Variants in SMAD7 observed in about 807,000 individuals in gnomAD.
SMAD7 encodes SMAD family member 7, also known as MAD (mothers against decapentaplegic, Drosophila) homolog 7.
SMAD7 carries 8 observed loss-of-function variants against 38.7 expected under a neutral mutation model. The ratio of observed to expected loss-of-function variants is 0.21; its 90% confidence interval spans 0.12 to 0.37. The LOEUF (loss-of-function observed/expected upper bound fraction) is 0.37. SMAD7 is among the 10% of genes least tolerant of loss of function. The pLI is 1.00. For missense variants in SMAD7, 477 were observed against 577.9 expected (o/e 0.83, Z 1.79); for synonymous variants, 327 against 265.1 (o/e 1.23, Z -2.27).
intron 1 of SMAD7, among the ~76,000 whole-genome samples, chr18:48,948,990 A>C (rs2070230045): frequency 6.6e-6 from 1 of 152,238 alleles, no homozygotes; most frequent in Non-Finnish European, 1.5e-5. Context: ...ACAGAGACGT[A>C]GAGTAAAGGA....
intron 3 of SMAD7, among the ~76,000 whole-genome samples, chr18:48,925,785 C>T (rs185093186): frequency 2.5e-3 from 380 of 151,766 alleles, no homozygotes; most frequent in African/African-American, 7.7e-3. Flanking sequence ...CTCGCTCTGT[C>T]GCCCAGGCTG....
At chr18:48,933,121 C>T (rs994467165) in intron 3 of SMAD7, among the ~76,000 whole-genome samples, 9 of 152,142 alleles carry the variant, frequency 5.9e-5, no homozygotes, top group Non-Finnish European at 7.4e-5. Context: ...AACCAAAACC[C>T]GGGAGACCTA....
At position 48,925,441 on chromosome 18, in the gene SMAD7, C is replaced by G. The variant is rs560401461; in HGVS notation, c.743-3531G>C. Among the ~76,000 whole-genome samples the G allele has an allele frequency of 2.4e-3, 367 of 150,924 alleles. 6 individuals are homozygous for G. Among genetic ancestry groups the G allele is most frequent in the African/African-American group, 8.6e-3 (356 of 41,234 alleles). ...ATTCCTTTAAGGTGTTGCCCCCCCC[C>G]AACCTTCCCCATTTCCCTTAAAGCA... On this transcript the variant is annotated intron_variant, in intron 3 of 3. Coordinates refer to ENST00000262158, the MANE Select transcript of SMAD7 (RefSeq NM_005904.4).
chr18:48,948,521 G>T, intron 1 of SMAD7, 84 bp from the exon 2 acceptor site: 1 of 983,568 alleles, frequency 1.0e-6, no homozygotes. Context: ...CATTCTTTTA[G>T]CCCAACTGTT....
At chr18:48,923,959 C>G (rs2069895288) in intron 3 of SMAD7, among the ~76,000 whole-genome samples, 1 of 152,156 alleles carries the variant, frequency 6.6e-6, no homozygotes, top group African/African-American at 2.4e-5. Flanking sequence ...TGAGCGCTGG[C>G]AATCTTTGAA....
rs570216096 is a variant in SMAD7 at position 48,921,978 on chromosome 18, C to T, written c.743-68G>A. 31 of 1,214,980 alleles carry T rather than the reference C, an allele frequency of 2.6e-5. No homozygotes were observed. In the East Asian group the frequency reaches 2.8e-4, roughly 11 times the overall value. The allele number at this position is 1,214,980 out of a possible 1,614,324, so 75.3% of individuals were successfully genotyped here. A position where few individuals can be genotyped will look rare whatever the true frequency, so the allele number is the denominator to read the frequency against. Reference sequence around the variant, plus strand: ...TGGTGACTCCTAGAATGAAGACACCCGCCCCCCCACTGCACCCAGTCACCA... The same window carrying T: ...TGGTGACTCCTAGAATGAAGACACCTGCCCCCCCACTGCACCCAGTCACCA... On this transcript the variant is annotated intron_variant, in intron 3 of 3. Transcript: ENST00000262158. The surrounding 1 kb of genome is among the most constrained non-coding windows in gnomAD (Gnocchi z 6.4).
chr18:48,943,468 A>G (rs1224506407), intron 2 of SMAD7, among the ~76,000 whole-genome samples: 1 of 152,226 alleles, frequency 6.6e-6, no homozygotes, highest in Non-Finnish European at 1.5e-5. Context: ...ACCGCCCTCC[A>G]AGCAATTAAA....
intron 3 of SMAD7, among the ~76,000 whole-genome samples, chr18:48,937,112 A>C (rs985644520): frequency 4.6e-5 from 7 of 152,134 alleles, no homozygotes; most frequent in Admixed American, 4.6e-4. Flanking sequence ...AACATTAAAA[A>C]ATTTTAAAAA....
chr18:48,928,120 C>CT (rs1434935572), intron 3 of SMAD7, among the ~76,000 whole-genome samples: 1 of 152,210 alleles, frequency 6.6e-6, no homozygotes, highest in Non-Finnish European at 1.5e-5. Flanking sequence ...GGTGATACGG[C>CT]TTTTTTGCCA....
Position 48,921,363 on chromosome 18 carries a change from C to T in SMAD7, c.*9G>A, listed in dbSNP as rs374817806. On this transcript the variant is annotated 3_prime_UTR_variant, in exon 4 of 4. Transcript: ENST00000262158. The surrounding 1 kb of genome is among the most constrained non-coding windows in gnomAD (Gnocchi z 6.4). ...TGCTCAGCTCACGCTCTGTCCCCTC[C>T]GCACGCGGCTACCGGCTGTTGAAGA... The T allele has an allele frequency of 6.9e-5, 110 of 1,605,362 alleles. No homozygotes were observed. Among genetic ancestry groups the T allele is most frequent in the African/African-American group, 3.3e-4 (25 of 74,926 alleles).
chr18:48,944,002 C>G (rs1046629577), intron 2 of SMAD7, among the ~76,000 whole-genome samples: 1 of 152,092 alleles, frequency 6.6e-6, no homozygotes. Context: ...GGAAAGAAGA[C>G]TGTGTGTGTA....
At chr18:48,930,480 C>T (rs2069985214) in intron 3 of SMAD7, among the ~76,000 whole-genome samples, 1 of 152,210 alleles carries the variant, frequency 6.6e-6, no homozygotes, top group Non-Finnish European at 1.5e-5. Context: ...ACATACACGG[C>T]CAGCTGCTCT....
chr18:48,930,717 GC>G (rs33922711), intron 3 of SMAD7, among the ~76,000 whole-genome samples: 70,611 of 151,996 alleles, frequency 0.46, 18,099 homozygotes, highest in East Asian at 0.73. Context: ...ATCGGTGTGT[GC>G]CGACACATGA....
Position 48,949,863 on chromosome 18 carries a change from G to T in SMAD7, c.562C>A (p.Pro188Thr), listed in dbSNP as rs1440564354. 6.2e-7 allele frequency: 1 copy of T among 1,612,570 alleles called. No homozygotes were observed. Among genetic ancestry groups the T allele is most frequent in the Non-Finnish European group, 8.5e-7 (1 of 1,179,352 alleles). ...CCCESYGKIN[P>T]ELVCCNPHHL... ...TGGGGGTTGCAGCACACCAGCTCGG[G>T]GTTGATCTTCCCGTAAGATTCACAG... Residue 188 changes from proline (P) to threonine (T), a missense_variant, in exon 1 of 4, where the codon CCC becomes ACC. Pro to Thr is a conservative substitution (Grantham distance 38). Coordinates refer to ENST00000262158, the MANE Select transcript of SMAD7 (RefSeq NM_005904.4).
At chr18:48,930,804 T>C (rs4939828) in intron 3 of SMAD7, among the ~76,000 whole-genome samples, 39,622 of 152,106 alleles carry the variant, frequency 0.26, 5,380 homozygotes, top group Middle Eastern at 0.32. Flanking sequence ...AATTTAGCAA[T>C]TCCACCTCTG....
intron 3 of SMAD7, among the ~76,000 whole-genome samples, chr18:48,933,170 C>T (rs1417257889): frequency 6.6e-6 from 1 of 152,204 alleles, no homozygotes; most frequent in Non-Finnish European, 1.5e-5. Flanking sequence ...TCTCAATTCT[C>T]AACAGACCAC....
At chr18:48,931,736 C>T (rs1241648875) in intron 3 of SMAD7, among the ~76,000 whole-genome samples, 2 of 152,238 alleles carry the variant, frequency 1.3e-5, no homozygotes, top group African/African-American at 2.4e-5. Flanking sequence ...AAAACTGAGG[C>T]CCAGAACACA....
chr18:48,926,039 C>T lies in SMAD7; in HGVS notation c.743-4129G>A, dbSNP rs139081153. Among the ~76,000 whole-genome samples, 853 of 152,344 alleles carry T rather than the reference C, an allele frequency of 5.6e-3. 3 individuals carry two copies. The highest frequency in any genetic ancestry group is 8.5e-3 in the Non-Finnish European group (578 of 68,040). The stretch of plus-strand genomic sequence containing the variant: ...GGGATTATAGGCGTGAGCCGCCGCA[C>T]CCAGACCCCTTCTTAAATTTTTAAT... On this transcript the variant is annotated intron_variant, in intron 3 of 3. Transcript: ENST00000262158.
chr18:48,943,793 G>A (rs2070167882), intron 2 of SMAD7, among the ~76,000 whole-genome samples: 1 of 152,010 alleles, frequency 6.6e-6, no homozygotes, highest in Admixed American at 6.5e-5. Context: ...GAATCCTTTA[G>A]TGGCCTACAC....
Sources: gnomAD v4.1 joint callset for allele counts (sites outside exome capture counted in the v4.1 genomes callset) on GRCh38, gnomAD v4.1.1 for gene constraint, Gnocchi (gnomAD v3.1) non-coding constraint, MANE v1.5 for transcripts, NCBI Gene and HGNC (gene_info 2026-07-23, HGNC 2026-07-21) for gene names.